Variants in NLGN1 observed in about 807,000 individuals in gnomAD.
NLGN1 encodes neuroligin-1.
NLGN1 carries 12 observed loss-of-function variants against 65.5 expected under a neutral mutation model. The observed-to-expected ratio is 0.18, with a 90% CI of 0.12 to 0.30. NLGN1 has a LOEUF of 0.30. NLGN1 is among the 10% of genes least tolerant of loss of function. NLGN1 has a pLI of 1.00. For synonymous variants in NLGN1, 350 were observed against 359.5 expected, an observed-to-expected ratio of 0.97 and a Z score of 0.30; for missense variants, 750 against 1,007.1, an observed-to-expected ratio of 0.74 and a Z score of 3.46.
At chr3:173,906,621 T>A (rs1412303840) in intron 4 of NLGN1, among the ~76,000 whole-genome samples, 6 of 152,152 alleles carry the variant, frequency 3.9e-5, no homozygotes, top group Admixed American at 2.6e-4. Flanking sequence ...GGTGATTCTT[T>A]GGGCTATTTC....
At chr3:173,725,673 T>C (rs1409258101) in intron 3 of NLGN1, among the ~76,000 whole-genome samples, 3 of 152,200 alleles carry the variant, frequency 2.0e-5, no homozygotes, top group African/African-American at 7.2e-5. Flanking sequence ...ATTTATTATG[T>C]CAGTTTCTGT....
At chr3:174,214,147 C>A (rs6779292) in intron 4 of NLGN1, among the ~76,000 whole-genome samples, 17,020 of 152,070 alleles carry the variant, frequency 0.11, 2,162 homozygotes, top group African/African-American at 0.31. Context: ...TACAAAACTA[C>A]AGCCAATACT....
chr3:174,175,648 C>T (rs1729311036), intron 4 of NLGN1, among the ~76,000 whole-genome samples: 1 of 151,942 alleles, frequency 6.6e-6, no homozygotes, highest in Non-Finnish European at 1.5e-5. Context: ...TTCCATCTCA[C>T]ACACACTGAG....
intron 4 of NLGN1, among the ~76,000 whole-genome samples, chr3:173,847,342 C>T (rs1725977087): frequency 6.6e-6 from 1 of 152,104 alleles, no homozygotes; most frequent in Non-Finnish European, 1.5e-5. Flanking sequence ...TCTCTCAATG[C>T]ATTTTTCTCA....
At chr3:174,260,109 A>C (rs1428567855) in intron 4 of NLGN1, among the ~76,000 whole-genome samples, 2 of 151,710 alleles carry the variant, frequency 1.3e-5, no homozygotes, top group Non-Finnish European at 2.9e-5. Context: ...GTTGGTTCCA[A>C]GTTTTTGCTA....
chr3:173,502,478 G>A (rs1006402838), intron 2 of NLGN1, among the ~76,000 whole-genome samples: 1 of 152,076 alleles, frequency 6.6e-6, no homozygotes, highest in African/African-American at 2.4e-5. Context: ...CTGTTCTGAT[G>A]TTGCCAGAAT....
rs574273740 is a variant in NLGN1, at chr3:174,228,106, T to C, written c.647-47209T>C. On this transcript the variant is annotated intron_variant, in intron 4 of 6. Transcript: ENST00000457714. ...TTTTACATTGAAATTGTTTATCAAT[T>C]GGTTCTTCCAAAGAGAATTCTTCAG... Among the ~76,000 whole-genome samples the C allele has an allele frequency of 5.3e-5, 8 of 152,182 alleles. No individual in the cohort carries two copies. In the South Asian group the frequency reaches 1.7e-3, roughly 32 times the overall value.
At chr3:174,045,210 G>A (rs1238589307) in intron 4 of NLGN1, among the ~76,000 whole-genome samples, 1 of 152,084 alleles carries the variant, frequency 6.6e-6, no homozygotes, top group African/African-American at 2.4e-5. Context: ...ACATACCGAA[G>A]ACTAGGTACT....
intron 4 of NLGN1, among the ~76,000 whole-genome samples, chr3:173,820,918 T>G (rs1485374133): frequency 6.6e-6 from 1 of 152,170 alleles, no homozygotes; most frequent in East Asian, 1.9e-4. Flanking sequence ...GGAAATTGTT[T>G]GTAGTTTAAC....
intron 3 of NLGN1, among the ~76,000 whole-genome samples, chr3:173,669,382 T>C (rs528292227): frequency 1.3e-5 from 2 of 152,352 alleles, no homozygotes; most frequent in Admixed American, 6.5e-5. Flanking sequence ...GGCAGGGCCA[T>C]GCTCCCTTTG....
chr3:174,230,768 T>C (rs1561343034), intron 4 of NLGN1, among the ~76,000 whole-genome samples: 3 of 152,158 alleles, frequency 2.0e-5, no homozygotes, highest in African/African-American at 4.8e-5. Context: ...TCCTTCTTTT[T>C]ATGGATAAAT....
chr3:174,082,207 T>G (rs995582802), intron 4 of NLGN1, among the ~76,000 whole-genome samples: 2 of 152,204 alleles, frequency 1.3e-5, no homozygotes, highest in Admixed American at 6.5e-5. Flanking sequence ...GATTCTCTGT[T>G]GAGGCAAACC....
chr3:173,539,701 CAT>C (rs1156384762), intron 2 of NLGN1, among the ~76,000 whole-genome samples: 1 of 132,192 alleles, frequency 7.6e-6, no homozygotes, highest in Non-Finnish European at 1.6e-5. Context: ...TACATATGCA[CAT>C]ATATACATAT....
intron 4 of NLGN1, among the ~76,000 whole-genome samples, chr3:173,865,874 T>C (rs916808066): frequency 6.6e-6 from 1 of 152,172 alleles, no homozygotes; most frequent in African/African-American, 2.4e-5. Context: ...GCTGGAATCT[T>C]ATAAACATAA....
chr3:173,634,375 T>G (rs1756239437), intron 3 of NLGN1, among the ~76,000 whole-genome samples: 1 of 152,184 alleles, frequency 6.6e-6, no homozygotes, highest in African/African-American at 2.4e-5. Flanking sequence ...ATATGGTCAC[T>G]ATGAACAAAT....
At chr3:174,097,752 C>T (rs539120062) in intron 4 of NLGN1, among the ~76,000 whole-genome samples, 14 of 152,120 alleles carry the variant, frequency 9.2e-5, no homozygotes, top group Non-Finnish European at 1.8e-4. Context: ...TGAAATAGCT[C>T]CTGGAGTTTG....
At chr3:173,899,320 T>G (rs1449534987) in intron 4 of NLGN1, among the ~76,000 whole-genome samples, 1 of 152,114 alleles carries the variant, frequency 6.6e-6, no homozygotes, top group Admixed American at 6.6e-5. Flanking sequence ...AGTAAAAAAT[T>G]TTTCAGACTG....
intron 3 of NLGN1, among the ~76,000 whole-genome samples, chr3:173,770,473 T>A (rs1173488512): frequency 6.6e-6 from 1 of 152,222 alleles, no homozygotes; most frequent in Non-Finnish European, 1.5e-5. Context: ...ATATGGATAC[T>A]TAATTACTTT....
At chr3:173,709,075 G>C (rs1466678552) in intron 3 of NLGN1, among the ~76,000 whole-genome samples, 2 of 152,206 alleles carry the variant, frequency 1.3e-5, no homozygotes, top group Non-Finnish European at 2.9e-5. Flanking sequence ...AGACACAGAC[G>C]TAAGTATAGC....
Sources: allele counts gnomAD v4.1 joint callset (sites outside exome capture counted in the v4.1 genomes callset), GRCh38; gene constraint gnomAD v4.1.1; transcripts MANE v1.5; gene names NCBI Gene and HGNC (gene_info 2026-07-23, HGNC 2026-07-21).